Variants in MOB3B observed in about 807,000 individuals in gnomAD.
MOB3B encodes MOB kinase activator 3B.
MOB3B carries 7 observed loss-of-function variants against 18.7 expected under a neutral mutation model. The observed-to-expected ratio is 0.37, with a 90% CI of 0.21 to 0.70. MOB3B has a LOEUF of 0.70. MOB3B is among the 30% of genes least tolerant of loss of function. The probability of loss-of-function intolerance (pLI) is 0.52; values close to 1 mark genes in which losing one functional copy is unlikely to be tolerated. For synonymous variants in MOB3B, 111 were observed against 99.9 expected, an observed-to-expected ratio of 1.11 and a Z score of -0.66; for missense variants, 253 against 281.3, an observed-to-expected ratio of 0.90 and a Z score of 0.72.
chr9:27,364,766 C>CAGACAGTG (rs113165314), intron 2 of MOB3B, among the ~76,000 whole-genome samples: 1 of 151,982 alleles, frequency 6.6e-6, no homozygotes, highest in African/African-American at 2.4e-5. Context: ...TACTGCCTTG[C>CAGACAGTG]AGTATTCTAT....
chr9:27,369,185 G>T (rs1335536195), intron 2 of MOB3B, among the ~76,000 whole-genome samples: 1 of 152,134 alleles, frequency 6.6e-6, no homozygotes, highest in Non-Finnish European at 1.5e-5. Context: ...ATAGGTCTAG[G>T]ACTACCACAC....
intron 2 of MOB3B, among the ~76,000 whole-genome samples, chr9:27,450,775 A>T (rs1822772190): frequency 6.6e-6 from 1 of 152,210 alleles, no homozygotes; most frequent in Admixed American, 6.5e-5. Flanking sequence ...ACCTAAGGAA[A>T]GCCCTTCTTC....
chr9:27,330,767 G>A (rs1820775499), intron 3 of MOB3B, 151 bp from the exon 4 acceptor site: 3 of 1,106,036 alleles, frequency 2.7e-6, no homozygotes, highest in Admixed American at 6.5e-5. Flanking sequence ...ATGAGGGTAT[G>A]TTCCATCTGT....
intron 2 of MOB3B, among the ~76,000 whole-genome samples, chr9:27,369,794 C>T (rs1587161278): frequency 6.6e-6 from 1 of 152,306 alleles, no homozygotes; most frequent in Middle Eastern, 3.4e-3. Context: ...TGACTAACTC[C>T]CATTTGTTAT....
At chr9:27,394,793 A>T (rs1318174393) in intron 2 of MOB3B, among the ~76,000 whole-genome samples, 1 of 152,200 alleles carries the variant, frequency 6.6e-6, no homozygotes, top group Non-Finnish European at 1.5e-5. Flanking sequence ...AAAAGTAAAC[A>T]TACTTTTTAA....
intron 2 of MOB3B, among the ~76,000 whole-genome samples, chr9:27,373,657 G>GT (rs1821452142): frequency 6.6e-6 from 1 of 152,042 alleles, no homozygotes; most frequent in South Asian, 2.1e-4. Context: ...ATACATAAAA[G>GT]TTTTTTGTGA....
At chr9:27,410,480 AT>A (rs149073262) in intron 2 of MOB3B, among the ~76,000 whole-genome samples, 336 of 147,380 alleles carry the variant, frequency 2.3e-3, no homozygotes, top group African/African-American at 5.9e-3. Context: ...CCTAGAAAAG[AT>A]TTTTTTTTTT....
intron 2 of MOB3B, among the ~76,000 whole-genome samples, chr9:27,422,430 C>T (rs976909863): frequency 6.6e-6 from 1 of 152,164 alleles, no homozygotes; most frequent in African/African-American, 2.4e-5. Flanking sequence ...ATCTTGGTTC[C>T]ACCTCTCTAA....
intron 2 of MOB3B, chr9:27,378,706 T>G: frequency 2.1e-6 from 1 of 470,928 alleles, no homozygotes; most frequent in South Asian, 1.5e-5. Flanking sequence ...CATCTTTGAG[T>G]ATTGCATGTG....
chr9:27,486,164 A>T (rs529342256), intron 1 of MOB3B, among the ~76,000 whole-genome samples: 21 of 152,352 alleles, frequency 1.4e-4, no homozygotes, highest in African/African-American at 5.0e-4. Context: ...TCGATGGTGG[A>T]CCAGGAATGC....
intron 1 of MOB3B, 58 bp from the exon 2 acceptor site, chr9:27,455,806 C>G: frequency 1.5e-6 from 2 of 1,368,366 alleles, no homozygotes; most frequent in Non-Finnish European, 1.9e-6. Flanking sequence ...TAAAAAATGA[C>G]AGTCTTCAAC....
At position 27,328,008 on chromosome 9, in the gene MOB3B, T is replaced by G. The variant is rs1405738212; in HGVS notation, c.*2579A>C. 2 of 151,688 alleles carry G rather than the reference T, an allele frequency of 1.3e-5. No homozygotes were observed. Among genetic ancestry groups the G allele is most frequent in the African/African-American group, 4.8e-5 (2 of 41,256 alleles). The allele number at this position is 151,688 out of a possible 1,614,324, so 9.4% of individuals were successfully genotyped here. A position where few individuals can be genotyped will look rare whatever the true frequency, so the allele number is the denominator to read the frequency against. On this transcript the variant is annotated 3_prime_UTR_variant, in exon 4 of 4. Coordinates refer to ENST00000262244, the MANE Select transcript of MOB3B (RefSeq NM_024761.5). ...TCAGGAGGCTAAGGTTGAAGCTCAC[T>G]TGAGGCAAGGGGTTCAAGGCCAGCT...
At chr9:27,424,080 G>A (rs1822294124) in intron 2 of MOB3B, among the ~76,000 whole-genome samples, 1 of 152,222 alleles carries the variant, frequency 6.6e-6, no homozygotes, top group Admixed American at 6.5e-5. Flanking sequence ...GTCTGTGCAT[G>A]CTGACTACAT....
intron 1 of MOB3B, among the ~76,000 whole-genome samples, chr9:27,457,048 C>T (rs573734589): frequency 6.6e-6 from 1 of 152,292 alleles, no homozygotes; most frequent in Non-Finnish European, 1.5e-5. Flanking sequence ...CCAAGAGATA[C>T]AATTACTTGC....
rs117749716 is a variant in MOB3B, at chr9:27,420,856, G to A, written c.418+34277C>T. On this transcript the variant is annotated intron_variant, in intron 2 of 3. Coordinates refer to ENST00000262244, the MANE Select transcript of MOB3B (RefSeq NM_024761.5). ...ATATGGTGCAGTGTATACTGCCCAG[G>A]TAATGGGTGCAGCAAAATCTCACAA... is the stretch of plus-strand genomic sequence containing the variant. 5.8e-3 allele frequency among the ~76,000 whole-genome samples: 733 copies of A among 125,868 alleles called. 8 individuals are homozygous for A. Among genetic ancestry groups the A allele is most frequent in the Non-Finnish European group, 4.5e-3 (247 of 55,312 alleles). The allele number at this position is 125,868 out of a possible 152,430, so 82.6% of individuals were successfully genotyped here. A position where few individuals can be genotyped will look rare whatever the true frequency, so the allele number is the denominator to read the frequency against.
At chr9:27,438,728 A>G (rs1050097236) in intron 2 of MOB3B, among the ~76,000 whole-genome samples, 1 of 152,188 alleles carries the variant, frequency 6.6e-6, no homozygotes, top group African/African-American at 2.4e-5. Flanking sequence ...CTGAAATAAC[A>G]TGAAGTCCAA....
chr9:27,335,080 T>A (rs1479253205), intron 3 of MOB3B, among the ~76,000 whole-genome samples: 4 of 152,192 alleles, frequency 2.6e-5, no homozygotes, highest in Admixed American at 1.3e-4. Flanking sequence ...GCTGGGATTA[T>A]AGGCATGAGC....
intron 1 of MOB3B, among the ~76,000 whole-genome samples, chr9:27,496,517 C>G (rs1392843938): frequency 6.6e-6 from 1 of 152,158 alleles, no homozygotes; most frequent in East Asian, 1.9e-4. Context: ...TCTCCAGGTA[C>G]ATGTAAAAGT....
chr9:27,419,414 G>A (rs975006807), intron 2 of MOB3B, among the ~76,000 whole-genome samples: 1 of 152,102 alleles, frequency 6.6e-6, no homozygotes, highest in Non-Finnish European at 1.5e-5. Flanking sequence ...TATACCATAA[G>A]GGCATAGTCA....
Sources: gnomAD v4.1 joint callset for allele counts (sites outside exome capture counted in the v4.1 genomes callset) on GRCh38, gnomAD v4.1.1 for gene constraint, MANE v1.5 for transcripts, NCBI Gene and HGNC (gene_info 2026-07-23, HGNC 2026-07-21) for gene names.